Variants in NTM observed in about 807,000 individuals in gnomAD.
NTM encodes neurotrimin.
In NTM, 13 loss-of-function variants were observed where a neutral mutation model predicts 42.1. The ratio of observed to expected loss-of-function variants is 0.31; its 90% CI spans 0.20 to 0.49. The LOEUF is 0.49. Ranked by LOEUF, NTM falls within the 20% of genes least tolerant of loss-of-function variation. The pLI is 0.99. For synonymous variants in NTM, 187 were observed against 179.2 expected (o/e 1.04, Z -0.35); for missense variants, 373 against 452.8 (o/e 0.82, Z 1.60).
chr11:131,525,070 C>T (rs2050274141), intron 1 of NTM, among the ~76,000 whole-genome samples: 1 of 151,792 alleles, frequency 6.6e-6, no homozygotes, highest in African/African-American at 2.4e-5. Flanking sequence ...AATTACTCAT[C>T]AGAGTAATTC....
chr11:131,795,313 C>A, intron 1 of NTM: 2 of 796,386 alleles, frequency 2.5e-6, no homozygotes, highest in Non-Finnish European at 3.0e-6. Flanking sequence ...GAATGCAGTG[C>A]CCAGGCGCTC....
intron 1 of NTM, among the ~76,000 whole-genome samples, chr11:131,826,811 G>C (rs1311875992): frequency 6.6e-6 from 1 of 152,110 alleles, no homozygotes; most frequent in Non-Finnish European, 1.5e-5. Flanking sequence ...GCCCTCTGGA[G>C]CTTTGGTGAT....
chr11:131,383,097 T>C (rs1041307738), intron 1 of NTM, among the ~76,000 whole-genome samples: 3 of 152,234 alleles, frequency 2.0e-5, no homozygotes, highest in Admixed American at 2.0e-4. Flanking sequence ...ATTGAGATTA[T>C]TTTTCGATCC....
chr11:131,699,713 A>C (rs2075861520), intron 1 of NTM, among the ~76,000 whole-genome samples: 1 of 152,092 alleles, frequency 6.6e-6, no homozygotes, highest in African/African-American at 2.4e-5. Flanking sequence ...CAGGAAAGAG[A>C]AGTGCCAAGC....
At chr11:131,998,269 C>T (rs907106386) in intron 2 of NTM, among the ~76,000 whole-genome samples, 5 of 152,136 alleles carry the variant, frequency 3.3e-5, no homozygotes, top group African/African-American at 9.7e-5. Context: ...GTAAAAGCTG[C>T]GTGGAGTGAG....
chr11:132,108,988 AATG>A (rs1260878415), intron 2 of NTM, among the ~76,000 whole-genome samples: 1 of 152,130 alleles, frequency 6.6e-6, no homozygotes, highest in Non-Finnish European at 1.5e-5. Flanking sequence ...GTTTGCTGAG[AATG>A]ATGGTTTCCA....
At chr11:132,316,782 G>A (rs540252030) in intron 7 of NTM, among the ~76,000 whole-genome samples, 26 of 152,110 alleles carry the variant, frequency 1.7e-4, no homozygotes, top group Admixed American at 3.9e-4. Flanking sequence ...CCAATAGTTC[G>A]GATGTTATTG....
At chr11:132,159,019 A>G (rs1403441411) in intron 3 of NTM, among the ~76,000 whole-genome samples, 1 of 152,216 alleles carries the variant, frequency 6.6e-6, no homozygotes, top group Non-Finnish European at 1.5e-5. Flanking sequence ...ATGGGGAATT[A>G]TAGGAAGGGT....
At chr11:131,642,548 C>T (rs757744737) in intron 1 of NTM, among the ~76,000 whole-genome samples, 2 of 152,156 alleles carry the variant, frequency 1.3e-5, no homozygotes, top group Non-Finnish European at 1.5e-5. Context: ...TTAGTTGTTG[C>T]CATCCTTAGA....
intron 2 of NTM, among the ~76,000 whole-genome samples, chr11:132,082,261 G>C (rs2059168816): frequency 6.6e-6 from 1 of 152,036 alleles, no homozygotes; most frequent in Non-Finnish European, 1.5e-5. Context: ...ACATTGAAAG[G>C]TGAGGAGGGT....
At chr11:131,771,640 G>A (rs2086112013) in intron 1 of NTM, 1 of 152,196 alleles carries the variant, frequency 6.6e-6, no homozygotes, top group African/African-American at 2.4e-5. Context: ...CCAAGCACCA[G>A]CTGTGTACAC....
At chr11:131,659,280 T>C (rs868509162) in intron 1 of NTM, among the ~76,000 whole-genome samples, 12 of 152,358 alleles carry the variant, frequency 7.9e-5, no homozygotes, top group Middle Eastern at 3.4e-3. Context: ...TTGTGCTCTT[T>C]ACAGTTTGCA....
At position 131,421,150 on chromosome 11, in the gene NTM, A is replaced by G. The variant is rs1947476161; in HGVS notation, c.82+50262A>G. On this transcript the variant is annotated intron_variant, in intron 1 of 8. Transcript: ENST00000683400. ...TTATTAACTGCAACTTTACTTCAAG[A>G]AATCACGCATTTGACCTGAGATCAG... Among the ~76,000 whole-genome samples the G allele has an allele frequency of 2.6e-5, 4 of 152,202 alleles. No individual in the cohort carries two copies. The South Asian group carries it at 8.3e-4, about 31-fold the overall frequency.
chr11:131,572,501 A>T (rs75715932), intron 1 of NTM, among the ~76,000 whole-genome samples: 1 of 151,988 alleles, frequency 6.6e-6, no homozygotes, highest in African/African-American at 2.4e-5. Context: ...GTCTTCCTTT[A>T]CCTGGCTATG....
chr11:132,017,645 A>G (rs556377393), intron 2 of NTM, among the ~76,000 whole-genome samples: 1 of 152,130 alleles, frequency 6.6e-6, no homozygotes, highest in Admixed American at 6.6e-5. Context: ...TATCTTTTGC[A>G]TATCTATATA....
At chr11:131,768,496 T>C (rs2085510028) in intron 1 of NTM, among the ~76,000 whole-genome samples, 2 of 152,168 alleles carry the variant, frequency 1.3e-5, no homozygotes, top group African/African-American at 2.4e-5. Context: ...TTAGCCAGCG[T>C]CCTGTGATCC....
chr11:132,056,436 T>C (rs1290955981), intron 2 of NTM, among the ~76,000 whole-genome samples: 2 of 152,234 alleles, frequency 1.3e-5, no homozygotes, highest in African/African-American at 4.8e-5. Context: ...GCTCCTAGCA[T>C]AGATCATCTG....
intron 1 of NTM, among the ~76,000 whole-genome samples, chr11:131,431,743 A>T (rs1948668283): frequency 6.6e-6 from 1 of 152,124 alleles, no homozygotes; most frequent in South Asian, 2.1e-4. Context: ...TGGAGAGGTG[A>T]CCCTCTCAAG....
intron 4 of NTM, among the ~76,000 whole-genome samples, chr11:132,270,307 C>T (rs780038875): frequency 6.6e-6 from 1 of 152,214 alleles, no homozygotes; most frequent in Non-Finnish European, 1.5e-5. Context: ...TATCGGCTCA[C>T]TGCAACCTTT....
Sources: gnomAD v4.1 joint callset for allele counts (sites outside exome capture counted in the v4.1 genomes callset) on GRCh38, gnomAD v4.1.1 for gene constraint, MANE v1.5 for transcripts, NCBI Gene and HGNC (gene_info 2026-07-23, HGNC 2026-07-21) for gene names.